CPT1A: variants seen among roughly 807,000 people sequenced by gnomAD.
CPT1A encodes carnitine O-palmitoyltransferase 1, liver isoform.
Under a neutral mutation model 100.8 loss-of-function variants are expected in CPT1A, and 64 were observed. The observed-to-expected ratio is 0.63, with a 90% CI of 0.52 to 0.78. CPT1A has a LOEUF of 0.78. Ranked by LOEUF, CPT1A falls within the 30% of genes least tolerant of loss-of-function variation. CPT1A has a pLI of 0.00. For missense variants in CPT1A, 802 were observed against 1,034.1 expected, an observed-to-expected ratio of 0.78 and a Z score of 3.08; for synonymous variants, 363 against 396.0, an observed-to-expected ratio of 0.92 and a Z score of 0.99.
chr11:68,793,689 T>C (rs1381833166), intron 8 of CPT1A, among the ~76,000 whole-genome samples: 1 of 147,098 alleles, frequency 6.8e-6, no homozygotes, highest in Non-Finnish European at 1.5e-5. Flanking sequence ...GAGCCTGCAG[T>C]GAGCTGAGAT....
At chr11:68,766,853 G>C (rs1319960463) in intron 14 of CPT1A, among the ~76,000 whole-genome samples, 1 of 151,618 alleles carries the variant, frequency 6.6e-6, no homozygotes, top group African/African-American at 2.4e-5. Flanking sequence ...AAAAGAAAAA[G>C]GAAACTTCAC....
chr11:68,822,070 C>A lies in CPT1A; in HGVS notation c.-13-6583G>T, dbSNP rs2154001908. Among the ~76,000 whole-genome samples the A allele has an allele frequency of 4.6e-5, 7 of 152,204 alleles. No individual in the cohort carries two copies. The South Asian group carries it at 1.5e-3, about 32-fold the overall frequency. On this transcript the variant is annotated intron_variant, in intron 1 of 18. Coordinates refer to ENST00000265641, the MANE Select transcript of CPT1A (RefSeq NM_001876.4). ...ACGTTGGCAAACAGTCTGTCCGTTC[C>A]TCAAAAGCTTAAATACAGAGTTACT...
At chr11:68,803,897 G>A (rs2154000534) in intron 5 of CPT1A, 103 bp downstream of exon 5, 1 of 898,142 alleles carries the variant, frequency 1.1e-6, no homozygotes, top group South Asian at 1.3e-5. Flanking sequence ...ACCGCTGAAG[G>A]CTACTTGAGC....
At chr11:68,806,485 A>G (rs1202466156) in intron 4 of CPT1A, among the ~76,000 whole-genome samples, 1 of 152,090 alleles carries the variant, frequency 6.6e-6, no homozygotes, top group Non-Finnish European at 1.5e-5. Context: ...AAAATTAGTC[A>G]GCCATGGTGG....
At chr11:68,836,707 G>A (rs1019864058) in intron 1 of CPT1A, among the ~76,000 whole-genome samples, 5 of 152,006 alleles carry the variant, frequency 3.3e-5, no homozygotes, top group African/African-American at 1.2e-4. Flanking sequence ...AGAAGGCAGA[G>A]GCTGCAGTGA....
At chr11:68,763,845 A>G (rs1333743082) in intron 14 of CPT1A, among the ~76,000 whole-genome samples, 1 of 152,174 alleles carries the variant, frequency 6.6e-6, no homozygotes, top group Admixed American at 6.5e-5. Flanking sequence ...CCTTGGGAAC[A>G]GAATCACAGC....
chr11:68,799,179 GAAA>G (rs753779449), intron 6 of CPT1A, 36 bp downstream of exon 6: 1,382,028 of 1,585,904 alleles, frequency 0.87, 603,684 homozygotes, highest in South Asian at 0.9. Flanking sequence ...TCTTCATACG[GAAA>G]AATTTCATCA....
chr11:68,777,323 G>A (rs1594330677), intron 12 of CPT1A, among the ~76,000 whole-genome samples: 4 of 152,144 alleles, frequency 2.6e-5, no homozygotes, highest in African/African-American at 9.7e-5. Flanking sequence ...CCAGCTACTC[G>A]GGAGGCTGAG....
intron 1 of CPT1A, among the ~76,000 whole-genome samples, chr11:68,836,198 CG>C (rs1857004905): frequency 6.6e-6 from 1 of 152,148 alleles, no homozygotes; most frequent in Non-Finnish European, 1.5e-5. Flanking sequence ...CCAGGAAGCC[CG>C]GCGTGGTGGC....
At chr11:68,836,228 C>T (rs673059) in intron 1 of CPT1A, among the ~76,000 whole-genome samples, 3,248 of 152,254 alleles carry the variant, frequency 0.021, 119 homozygotes, top group African/African-American at 0.071. Flanking sequence ...GGAATCCCAA[C>T]GCTTTGCAAG....
rs1322678194 is a variant in CPT1A, at chr11:68,807,594, A to G, written c.326T>C (p.Leu109Pro). The change falls in exon 4 of 19, where the codon CTG becomes CCG. Residue 109 changes from leucine to proline, a missense_variant. Transcript: ENST00000265641. ...SQTKNVVSGV[L>P]FGTGLWVALI... Reference sequence around the variant, plus strand: ...GGCCACCCACAGGCCGGTGCCAAACAGCACGCCGCTGACCACGTTCTTCGT... The same window carrying G: ...GGCCACCCACAGGCCGGTGCCAAACGGCACGCCGCTGACCACGTTCTTCGT... 1 of 1,614,206 alleles carries G rather than the reference A, an allele frequency of 6.2e-7. No homozygotes were observed. Among genetic ancestry groups the G allele is most frequent in the Non-Finnish European group, 8.5e-7 (1 of 1,180,044 alleles).
Position 68,841,798 on chromosome 11 carries a change from AGCGGCAGCGGCAGCGGCGGCGGCG to A in CPT1A, c.-61_-38del, listed in dbSNP as rs1857165721. The stretch of plus-strand genomic sequence containing the variant: ...ACCGAGTCAGCTACGGAGGTGCGGC[AGCGGCAGCGGCAGCGGCGGCGGCG>A]GCGGCGGCGGTGGAGTGAACGAGCG... On this transcript the variant is annotated 5_prime_UTR_variant, in exon 1 of 19. Transcript: ENST00000265641. This position sits in a 1 kb window ranked among gnomAD's most constrained non-coding sequence, Gnocchi z 6.3. The A allele has an allele frequency of 3.0e-6, 3 of 993,128 alleles. No individual in the cohort carries two copies. The South Asian group carries it at 1.3e-4, about 44-fold the overall frequency. 61.5% of individuals were successfully genotyped at this position (993,128 alleles called of 1,614,324 possible).
At chr11:68,805,899 G>A (rs1008675959) in intron 4 of CPT1A, among the ~76,000 whole-genome samples, 7 of 152,196 alleles carry the variant, frequency 4.6e-5, no homozygotes, top group African/African-American at 1.4e-4. Flanking sequence ...GATGGTACAC[G>A]GGGCACACAC....
intron 18 of CPT1A, among the ~76,000 whole-genome samples, chr11:68,757,970 A>G (rs921125454): frequency 2.0e-5 from 3 of 152,154 alleles, no homozygotes; most frequent in African/African-American, 7.2e-5. Flanking sequence ...CCTAATGCCA[A>G]TGCGTTTATC....
chr11:68,830,642 A>C (rs1856852503), intron 1 of CPT1A, among the ~76,000 whole-genome samples: 1 of 152,138 alleles, frequency 6.6e-6, no homozygotes, highest in Non-Finnish European at 1.5e-5. Flanking sequence ...TTCCAAGCTC[A>C]GCTCTCCCTG....
chr11:68,829,367 G>C (rs1482650075), intron 1 of CPT1A, among the ~76,000 whole-genome samples: 1 of 152,104 alleles, frequency 6.6e-6, no homozygotes, highest in African/African-American at 2.4e-5. Context: ...TTTCTTCCAT[G>C]CCCAGGTATC....
intron 15 of CPT1A, among the ~76,000 whole-genome samples, chr11:68,761,902 C>T (rs553035802): frequency 9.9e-5 from 15 of 151,388 alleles, no homozygotes; most frequent in Non-Finnish European, 1.8e-4. Context: ...TGAGTCACCG[C>T]GCCCGGTCTG....
At chr11:68,840,868 A>T (rs1857142247) in intron 1 of CPT1A, among the ~76,000 whole-genome samples, 2 of 152,070 alleles carry the variant, frequency 1.3e-5, no homozygotes, top group Non-Finnish European at 2.9e-5. Context: ...GGGCACGGCC[A>T]CGTGACACCC....
At chr11:68,808,841 CAA>C (rs1229802989) in intron 3 of CPT1A, among the ~76,000 whole-genome samples, 1 of 151,122 alleles carries the variant, frequency 6.6e-6, no homozygotes, top group Non-Finnish European at 1.5e-5. Flanking sequence ...TGCAGTGGCT[CAA>C]GTCTATAATC....
Sources: gnomAD v4.1 joint callset for allele counts (sites outside exome capture counted in the v4.1 genomes callset) on GRCh38, gnomAD v4.1.1 for gene constraint, Gnocchi (gnomAD v3.1) non-coding constraint, MANE v1.5 for transcripts, NCBI Gene and HGNC (gene_info 2026-07-23, HGNC 2026-07-21) for gene names.